The following GLIS1 variants were observed in gnomAD, a reference collection of about 807,000 sequenced individuals.
The protein encoded by GLIS1 is zinc finger protein GLIS1.
In GLIS1, 24 loss-of-function variants were observed where a neutral mutation model predicts 63.8. That is an observed-to-expected ratio of 0.38 (90% CI 0.27 to 0.53). GLIS1 has a LOEUF of 0.53. GLIS1 is among the 20% of genes least tolerant of loss of function. The probability of loss-of-function intolerance (pLI) is 0.85; values close to 1 mark genes in which losing one functional copy is unlikely to be tolerated. For synonymous variants in GLIS1, 450 were observed against 482.5 expected (o/e 0.93, Z 0.88); for missense variants, 1,036 against 1,074.1 (o/e 0.96, Z 0.50).
At chr1:53,720,569 A>G (rs781590043) in intron 2 of GLIS1, among the ~76,000 whole-genome samples, 4 of 152,186 alleles carry the variant, frequency 2.6e-5, no homozygotes, top group Non-Finnish European at 5.9e-5. Flanking sequence ...AAGATCTAGC[A>G]TTTGGTAGTA....
At chr1:53,690,385 T>C (rs1023929609) in intron 2 of GLIS1, among the ~76,000 whole-genome samples, 14 of 152,248 alleles carry the variant, frequency 9.2e-5, no homozygotes, top group African/African-American at 3.4e-4. Flanking sequence ...CTGGGGCGGC[T>C]TCCACTGGCC....
intron 4 of GLIS1, among the ~76,000 whole-genome samples, chr1:53,580,226 T>C (rs1407595950): frequency 1.3e-5 from 2 of 152,062 alleles, no homozygotes; most frequent in African/African-American, 2.4e-5. Flanking sequence ...GCAGAGCCCC[T>C]CCATCCTGAC....
At chr1:53,668,176 T>G (rs1570017007) in intron 2 of GLIS1, among the ~76,000 whole-genome samples, 1 of 152,202 alleles carries the variant, frequency 6.6e-6, no homozygotes, top group African/African-American at 2.4e-5. Context: ...CAGTAGACAC[T>G]TCCTTGTTGT....
At chr1:53,566,521 T>C (rs943610400) in intron 4 of GLIS1, among the ~76,000 whole-genome samples, 1 of 152,244 alleles carries the variant, frequency 6.6e-6, no homozygotes, top group African/African-American at 2.4e-5. Context: ...TGTACTTAGG[T>C]ATAAATCTAA....
rs542530065 is a variant in GLIS1 at position 53,520,168 on chromosome 1, G to C, written c.1726+466C>G. Among the ~76,000 whole-genome samples the C allele has an allele frequency of 4.4e-4, 67 of 152,294 alleles. 1 individual carries two copies. The South Asian group carries it at 0.013, about 29-fold the overall frequency. ...CCAGAGGAAGACTTCCTGGAGGAGG[G>C]GACAAGGAGGTGGGTCCTGAAGGAA... is the stretch of plus-strand genomic sequence containing the variant. On this transcript the variant is annotated intron_variant, in intron 7 of 10. Coordinates refer to ENST00000628545, the MANE Select transcript of GLIS1 (RefSeq NM_001367484.1).
chr1:53,614,064 G>T (rs1249782498), intron 2 of GLIS1, among the ~76,000 whole-genome samples: 3 of 152,140 alleles, frequency 2.0e-5, no homozygotes, highest in Non-Finnish European at 4.4e-5. Flanking sequence ...TACATCAAAT[G>T]TTAACAATTC....
intron 4 of GLIS1, among the ~76,000 whole-genome samples, chr1:53,572,273 T>A (rs1421667635): frequency 1.3e-5 from 2 of 152,208 alleles, no homozygotes; most frequent in Non-Finnish European, 2.9e-5. Flanking sequence ...TATTTCTCCA[T>A]CTGTAAAATG....
At chr1:53,617,467 T>C (rs1266954364) in intron 2 of GLIS1, among the ~76,000 whole-genome samples, 1 of 152,250 alleles carries the variant, frequency 6.6e-6, no homozygotes, top group Non-Finnish European at 1.5e-5. Context: ...AAGACTATGC[T>C]GTGTTTTGTT....
intron 2 of GLIS1, among the ~76,000 whole-genome samples, chr1:53,654,583 A>C (rs1279235774): frequency 6.6e-6 from 1 of 152,220 alleles, no homozygotes; most frequent in Admixed American, 6.5e-5. Context: ...AAGGTCAGTG[A>C]GATGGTGGGG....
intron 2 of GLIS1, among the ~76,000 whole-genome samples, chr1:53,658,817 A>G (rs1212062389): frequency 4.6e-5 from 7 of 152,156 alleles, no homozygotes; most frequent in African/African-American, 1.7e-4. Context: ...GTGGCATCAT[A>G]ACTGGCCTAC....
intron 4 of GLIS1, among the ~76,000 whole-genome samples, chr1:53,592,571 T>A (rs1370601948): frequency 6.6e-6 from 1 of 152,138 alleles, no homozygotes; most frequent in Non-Finnish European, 1.5e-5. Context: ...TGTCTATTGG[T>A]CAACTCCTAG....
At chr1:53,544,609 G>A (rs1557441934) in intron 4 of GLIS1, among the ~76,000 whole-genome samples, 1 of 152,190 alleles carries the variant, frequency 6.6e-6, no homozygotes. Flanking sequence ...GCATCTCGCC[G>A]ACTGACCTCT....
chr1:53,589,883 G>A (rs1645171330), intron 4 of GLIS1, among the ~76,000 whole-genome samples: 1 of 152,214 alleles, frequency 6.6e-6, no homozygotes, highest in Non-Finnish European at 1.5e-5. Flanking sequence ...AAGATGCAAA[G>A]AATCAGGGAT....
chr1:53,699,349 C>T (rs537035320), intron 2 of GLIS1, among the ~76,000 whole-genome samples: 1 of 152,290 alleles, frequency 6.6e-6, no homozygotes, highest in East Asian at 1.9e-4. Flanking sequence ...CAGGCGTGAG[C>T]CACCATGCCC....
intron 6 of GLIS1, among the ~76,000 whole-genome samples, chr1:53,521,110 G>A (rs1172991407): frequency 6.6e-6 from 1 of 152,204 alleles, no homozygotes; most frequent in Non-Finnish European, 1.5e-5. Flanking sequence ...GGGACTCAGG[G>A]AGTCCTCAGC....
At chr1:53,619,387 C>T (rs1645517802) in intron 2 of GLIS1, among the ~76,000 whole-genome samples, 2 of 152,214 alleles carry the variant, frequency 1.3e-5, no homozygotes, top group South Asian at 4.1e-4. Context: ...TCTAGGAAGG[C>T]TTCCCTGACC....
intron 5 of GLIS1, 80 bp from the exon 6 acceptor site, chr1:53,524,967 A>T (rs1384635024): frequency 3.8e-6 from 4 of 1,057,764 alleles, no homozygotes; most frequent in Non-Finnish European, 5.7e-6. Flanking sequence ...TGCTGTGGGG[A>T]GGTGACCAGG....
At chr1:53,582,899 G>A (rs1557463075) in intron 4 of GLIS1, among the ~76,000 whole-genome samples, 1 of 152,206 alleles carries the variant, frequency 6.6e-6, no homozygotes, top group Admixed American at 6.5e-5. Flanking sequence ...GGAGGGAGGG[G>A]AGCAGGTAGA....
intron 5 of GLIS1, among the ~76,000 whole-genome samples, chr1:53,525,475 C>T (rs1218923224): frequency 7.1e-5 from 9 of 126,214 alleles, no homozygotes; most frequent in East Asian, 2.5e-4. Flanking sequence ...GCTGGGGAGG[C>T]TGGGGAGTCT....
Sources: gnomAD v4.1 joint callset for allele counts (sites outside exome capture counted in the v4.1 genomes callset) on GRCh38, gnomAD v4.1.1 for gene constraint, MANE v1.5 for transcripts, NCBI Gene and HGNC (gene_info 2026-07-23, HGNC 2026-07-21) for gene names.